The following ONECUT3 variants were observed in gnomAD, a reference collection of about 807,000 sequenced individuals.
ONECUT3 encodes one cut domain family member 3.
In ONECUT3, 11 loss-of-function variants were observed where a neutral mutation model predicts 16.8. The ratio of observed to expected loss-of-function variants is 0.66; its 90% CI spans 0.41 to 1.09. ONECUT3 has a LOEUF of 1.09. Ranked by LOEUF, ONECUT3 falls within the 50% of genes least tolerant of loss-of-function variation. ONECUT3 has a pLI of 0.00. For missense variants in ONECUT3, 637 were observed against 629.9 expected (o/e 1.01, Z -0.12); for synonymous variants, 344 against 310.7 (o/e 1.11, Z -1.13).
At chr19:1,756,065 G>C (rs1159097561) in intron 1 of ONECUT3, among the ~76,000 whole-genome samples, 2 of 152,058 alleles carry the variant, frequency 1.3e-5, no homozygotes. Context: ...CACTAGCAAA[G>C]AGGCAGAGGG....
chr19:1,755,985 G>T lies in ONECUT3; in HGVS notation c.1192+1131G>T, dbSNP rs530758154. 1.3e-5 allele frequency among the ~76,000 whole-genome samples: 2 copies of T among 152,320 alleles called. No homozygotes were observed. The highest frequency in any genetic ancestry group is 4.1e-4 in the South Asian group (2 of 4,828). Reference sequence around the variant, plus strand: ...CCGGGCCACAGGGACAATAGCCGCGGCGGCTGGCGCCTGATCGATCGCTTC... The same window carrying T: ...CCGGGCCACAGGGACAATAGCCGCGTCGGCTGGCGCCTGATCGATCGCTTC... On this transcript the variant is annotated intron_variant, in intron 1 of 1. Coordinates refer to ENST00000382349, the MANE Select transcript of ONECUT3 (RefSeq NM_001080488.2). The surrounding 1 kb of genome is among the most constrained non-coding windows in gnomAD (Gnocchi z 7.5).
intron 1 of ONECUT3, among the ~76,000 whole-genome samples, chr19:1,771,148 G>A (rs957180496): frequency 6.6e-6 from 1 of 152,072 alleles, no homozygotes; most frequent in Non-Finnish European, 1.5e-5. Context: ...CAACTCAATA[G>A]GACTTTCCAC....
chr19:1,776,790 G>A lies in ONECUT3; in HGVS notation c.*1345G>A, dbSNP rs895272865. The A allele has an allele frequency of 6.6e-6, 1 of 151,580 alleles. No individual in the cohort carries two copies. Among genetic ancestry groups the A allele is most frequent in the Non-Finnish European group, 1.5e-5 (1 of 67,890 alleles). 9.4% of individuals were successfully genotyped at this position (151,580 alleles called of 1,614,324 possible). On this transcript the variant is annotated 3_prime_UTR_variant, in exon 2 of 2. Transcript: ENST00000382349. The surrounding 1 kb of genome is among the most constrained non-coding windows in gnomAD (Gnocchi z 4.9). Reference sequence around the variant, plus strand: ...CACTCATCGGCTGCCTCCCAGGGAGGAGGCGGCCCCCCTACCCCCCTTGAA... The same window carrying A: ...CACTCATCGGCTGCCTCCCAGGGAGAAGGCGGCCCCCCTACCCCCCTTGAA...
At chr19:1,763,175 C>T (rs1242087543) in intron 1 of ONECUT3, among the ~76,000 whole-genome samples, 1 of 151,658 alleles carries the variant, frequency 6.6e-6, no homozygotes, top group Admixed American at 6.6e-5. Context: ...ACCAGCCTGG[C>T]CAACACGGCG....
intron 1 of ONECUT3, among the ~76,000 whole-genome samples, chr19:1,773,863 G>A (rs578083199): frequency 1.2e-4 from 18 of 152,222 alleles, no homozygotes; most frequent in Non-Finnish European, 2.6e-4. Context: ...GCATTGAGGG[G>A]AGGGGTTCAC....
chr19:1,764,444 G>C lies in ONECUT3; in HGVS notation c.1192+9590G>C, dbSNP rs531497666. Among the ~76,000 whole-genome samples the C allele has an allele frequency of 9.8e-5, 15 of 152,348 alleles. No individual in the cohort carries two copies. Among genetic ancestry groups the C allele is most frequent in the Non-Finnish European group, 7.3e-5 (5 of 68,040 alleles). ...CTGGCGGGGAAAGCTGGAGGGAGAG[G>C]GGTGGGGACAAGAGGGAGGCTGGGC... On this transcript the variant is annotated intron_variant, in intron 1 of 1. Transcript: ENST00000382349. The surrounding 1 kb of genome is among the most constrained non-coding windows in gnomAD (Gnocchi z 5.0).
intron 1 of ONECUT3, among the ~76,000 whole-genome samples, chr19:1,757,073 G>A (rs1296997632): frequency 2.7e-5 from 4 of 147,028 alleles, no homozygotes; most frequent in African/African-American, 9.9e-5. Flanking sequence ...AGATTTGGGG[G>A]CCACAGAAAA....
chr19:1,771,710 C>T (rs146171976), intron 1 of ONECUT3, among the ~76,000 whole-genome samples: 28 of 152,266 alleles, frequency 1.8e-4, no homozygotes, highest in African/African-American at 4.6e-4. Flanking sequence ...GCTGGGGTCT[C>T]GCTCTGTCAT....
intron 1 of ONECUT3, among the ~76,000 whole-genome samples, chr19:1,767,948 C>T (rs902211889): frequency 6.6e-6 from 1 of 152,140 alleles, no homozygotes; most frequent in African/African-American, 2.4e-5. Context: ...TCCTCCTCAT[C>T]CTTAGATTCC....
rs1378149980 is a variant in ONECUT3 at position 1,764,414 on chromosome 19, G to T, written c.1192+9560G>T. On this transcript the variant is annotated intron_variant, in intron 1 of 1. Transcript: ENST00000382349. This position sits in a 1 kb window ranked among gnomAD's most constrained non-coding sequence, Gnocchi z 5.0. ...ATGCAGTCATTAAAATCCCATCAGGGGAGGCTGGCGGGGAAAGCTGGAGGG... is the reference window on the plus strand; with the variant it reads ...ATGCAGTCATTAAAATCCCATCAGGTGAGGCTGGCGGGGAAAGCTGGAGGG... 6.6e-6 allele frequency among the ~76,000 whole-genome samples: 1 copy of T among 152,212 alleles called. No homozygotes were observed. The highest frequency in any genetic ancestry group is 2.4e-5 in the African/African-American group (1 of 41,450).
chr19:1,764,156 C>T lies in ONECUT3; in HGVS notation c.1192+9302C>T, dbSNP rs1340408260. On this transcript the variant is annotated intron_variant, in intron 1 of 1. Coordinates refer to ENST00000382349, the MANE Select transcript of ONECUT3 (RefSeq NM_001080488.2). This position sits in a 1 kb window ranked among gnomAD's most constrained non-coding sequence, Gnocchi z 5.0. ...GTAACATTTTTTTTAAAAATCAACG[C>T]CTTGTGCGTGCGTGTGTTTGCCCAC... Among the ~76,000 whole-genome samples the T allele has an allele frequency of 6.6e-6, 1 of 152,126 alleles. No homozygotes were observed. The highest frequency in any genetic ancestry group is 1.5e-5 in the Non-Finnish European group (1 of 68,042).
chr19:1,758,315 A>AAAGAGAGAGAGAG lies in ONECUT3; in HGVS notation c.1192+3462_1192+3463insAGAGAGAGAGAGA, dbSNP rs1555799065. Among the ~76,000 whole-genome samples, 13 of 77,052 alleles carry AAAGAGAGAGAGAG rather than the reference A, an allele frequency of 1.7e-4. No individual in the cohort carries two copies. The highest frequency in any genetic ancestry group is 1.1e-3 in the Admixed American group (8 of 7,562). The allele number at this position is 77,052 out of a possible 152,430, so 50.5% of individuals were successfully genotyped here. On this transcript the variant is annotated intron_variant, in intron 1 of 1. Transcript: ENST00000382349. This position sits in a 1 kb window ranked among gnomAD's most constrained non-coding sequence, Gnocchi z 5.9. ...GCAGAGAGACCAAAAAAAAAAAAAA[A>AAAGAGAGAGAGAG]AGAGAGAGAGAGAGAGAGAGACAGA...
At chr19:1,763,579 A>T (rs1398433336) in intron 1 of ONECUT3, among the ~76,000 whole-genome samples, 1 of 151,800 alleles carries the variant, frequency 6.6e-6, no homozygotes, top group Non-Finnish European at 1.5e-5. Context: ...AATCGACATG[A>T]TTTTACAATA....
intron 1 of ONECUT3, among the ~76,000 whole-genome samples, chr19:1,757,002 T>C (rs1453441717): frequency 6.6e-6 from 1 of 152,166 alleles, no homozygotes; most frequent in Non-Finnish European, 1.5e-5. Flanking sequence ...TCCACACCAC[T>C]CTCCATTTTT....
chr19:1,774,726 A>C (rs2068088866), intron 1 of ONECUT3, among the ~76,000 whole-genome samples: 1 of 135,430 alleles, frequency 7.4e-6, no homozygotes, highest in Non-Finnish European at 1.6e-5. Flanking sequence ...AGTGGGCTCC[A>C]TGGAGAAGGG....
chr19:1,756,665 G>C (rs899537936), intron 1 of ONECUT3, among the ~76,000 whole-genome samples: 3 of 150,446 alleles, frequency 2.0e-5, no homozygotes, highest in Non-Finnish European at 2.9e-5. Context: ...GAATAGCTGG[G>C]ATTACAGACG....
rs977697108 is a variant in ONECUT3 at position 1,766,839 on chromosome 19, A to G, written c.1193-8314A>G. On this transcript the variant is annotated intron_variant, in intron 1 of 1. Transcript: ENST00000382349. The surrounding 1 kb of genome is among the most constrained non-coding windows in gnomAD (Gnocchi z 4.0). Reference sequence around the variant, plus strand: ...CCCCCATGCTCCACCACCCTCGTGTAGGACAACCCAGGAACATGTTAGTCA... The same window carrying G: ...CCCCCATGCTCCACCACCCTCGTGTGGGACAACCCAGGAACATGTTAGTCA... Among the ~76,000 whole-genome samples the G allele has an allele frequency of 3.9e-5, 6 of 152,024 alleles. No individual in the cohort carries two copies. Among genetic ancestry groups the G allele is most frequent in the Admixed American group, 2.0e-4 (3 of 15,288 alleles).
In ONECUT3 at chr19:1,754,920, G is replaced by C; in HGVS notation, c.1192+66G>C. 1 of 1,286,740 alleles carries C rather than the reference G, an allele frequency of 7.8e-7. No individual in the cohort carries two copies. Among genetic ancestry groups the C allele is most frequent in the South Asian group, 2.3e-5 (1 of 44,326 alleles). 79.7% of individuals were successfully genotyped at this position (1,286,740 alleles called of 1,614,324 possible). ...GCTCTGGACTCCCGAGCACCTAGCG[G>C]GGCGGCGGCCGATGCCCGGGGCCAG... On this transcript the variant is annotated intron_variant, in intron 1 of 1. Coordinates refer to ENST00000382349, the MANE Select transcript of ONECUT3 (RefSeq NM_001080488.2). This position sits in a 1 kb window ranked among gnomAD's most constrained non-coding sequence, Gnocchi z 7.4.
At position 1,753,619 on chromosome 19, in the gene ONECUT3, G is replaced by T; in HGVS notation, c.-44G>T. The T allele has an allele frequency of 1.2e-6, 1 of 814,658 alleles. No homozygotes were observed. Among genetic ancestry groups the T allele is most frequent in the East Asian group, 7.9e-5 (1 of 12,592 alleles). 50.5% of individuals were successfully genotyped at this position (814,658 alleles called of 1,614,324 possible). A position where few individuals can be genotyped will look rare whatever the true frequency, so the allele number is the denominator to read the frequency against. On this transcript the variant is annotated 5_prime_UTR_variant, in exon 1 of 2. The change creates a new upstream start codon in the 5' untranslated region. Transcript: ENST00000382349. ...AGTCATGCAGCGGCCTTGAGCACTA[G>T]GGGCCGGCGCTGAGGAGCGCGCGCG...
Sources: allele counts gnomAD v4.1 joint callset (sites outside exome capture counted in the v4.1 genomes callset), GRCh38; gene constraint gnomAD v4.1.1; non-coding constraint Gnocchi (gnomAD v3.1); transcripts MANE v1.5; gene names NCBI Gene and HGNC (gene_info 2026-07-23, HGNC 2026-07-21).